UNC119B: variants seen among roughly 807,000 people sequenced by gnomAD.
UNC119B encodes unc-119 lipid binding chaperone B, also known as protein unc-119 homolog B.
UNC119B carries 16 observed loss-of-function variants against 23.4 expected under a neutral mutation model. That is an observed-to-expected ratio of 0.68 (90% CI 0.46 to 1.04). UNC119B has a LOEUF of 1.04. Among genes scored for constraint, UNC119B ranks in the 50% least tolerant of loss-of-function variants. The pLI, the probability that UNC119B is intolerant of heterozygous loss-of-function variation, is 0.00. For synonymous variants in UNC119B, 144 were observed against 145.4 expected, an observed-to-expected ratio of 0.99 and a Z score of 0.07; for missense variants, 350 against 361.3, an observed-to-expected ratio of 0.97 and a Z score of 0.25.
intron 2 of UNC119B, among the ~76,000 whole-genome samples, chr12:120,716,091 C>A (rs1305466976): frequency 6.6e-6 from 1 of 152,184 alleles, no homozygotes; most frequent in Admixed American, 6.5e-5. Flanking sequence ...TTTTTATATT[C>A]ATTGAAATAA....
In UNC119B at chr12:120,713,428, C is replaced by T. The variant is rs115912683; in HGVS notation, c.358+41C>T. On this transcript the variant is annotated intron_variant, in intron 2 of 4. Transcript: ENST00000344651. Reference sequence around the variant, plus strand: ...GTGGTGACCACTAGACAGTTTTGAGCCAAAGGTCTTTGAAACTCAAATCTT... The same window carrying T: ...GTGGTGACCACTAGACAGTTTTGAGTCAAAGGTCTTTGAAACTCAAATCTT... The T allele has an allele frequency of 1.4e-4, 203 of 1,473,064 alleles. No individual in the cohort carries two copies. The African/African-American group carries it at 2.2e-3, about 16-fold the overall frequency. The allele number at this position is 1,473,064 out of a possible 1,614,324, so 91.2% of individuals were successfully genotyped here. A position where few individuals can be genotyped will look rare whatever the true frequency, so the allele number is the denominator to read the frequency against.
At chr12:120,717,214 C>G (rs1882800236) in intron 4 of UNC119B, among the ~76,000 whole-genome samples, 172 bp downstream of exon 4, 1 of 152,146 alleles carries the variant, frequency 6.6e-6, no homozygotes, top group Admixed American at 6.5e-5. Flanking sequence ...GGCTCCTGTT[C>G]TAAACTCTGA....
chr12:120,720,065 C>A lies in UNC119B; in HGVS notation c.*33C>A. ...AAGAGTAGATAGGGGAGGTGCTTTG[C>A]CGCGGCCACAAGATCCTGGCACACG... On this transcript the variant is annotated 3_prime_UTR_variant, in exon 5 of 5. Coordinates refer to ENST00000344651, the MANE Select transcript of UNC119B (RefSeq NM_001080533.3). 1 of 1,497,584 alleles carries A rather than the reference C, an allele frequency of 6.7e-7. No individual in the cohort carries two copies. Among genetic ancestry groups the A allele is most frequent in the Non-Finnish European group, 9.3e-7 (1 of 1,076,578 alleles). The allele number at this position is 1,497,584 out of a possible 1,614,324, so 92.8% of individuals were successfully genotyped here. A position where few individuals can be genotyped will look rare whatever the true frequency, so the allele number is the denominator to read the frequency against.
At position 120,722,186 on chromosome 12, in the gene UNC119B, G is replaced by A. The variant is rs1592930307; in HGVS notation, c.*2154G>A. ...CTAGAAAGAGGATGTGGAGGAAGGAGGAGGTGGGCAATCTGGCTTGAGTTG... is the reference window on the plus strand; with the variant it reads ...CTAGAAAGAGGATGTGGAGGAAGGAAGAGGTGGGCAATCTGGCTTGAGTTG... On this transcript the variant is annotated 3_prime_UTR_variant, in exon 5 of 5. Transcript: ENST00000344651. The A allele has an allele frequency of 6.6e-6, 1 of 152,366 alleles. No homozygotes were observed. Among genetic ancestry groups the A allele is most frequent in the Non-Finnish European group, 1.5e-5 (1 of 68,148 alleles). 9.4% of individuals were successfully genotyped at this position (152,366 alleles called of 1,614,324 possible). A position where few individuals can be genotyped will look rare whatever the true frequency, so the allele number is the denominator to read the frequency against.
intron 2 of UNC119B, among the ~76,000 whole-genome samples, chr12:120,715,052 G>A (rs921456557): frequency 3.4e-4 from 51 of 152,108 alleles, no homozygotes; most frequent in African/African-American, 1.1e-3. Context: ...TTAGCCAGGC[G>A]TGGTGGCACA....
chr12:120,711,331 A>C (rs1882664350), intron 1 of UNC119B: 1 of 152,236 alleles, frequency 6.6e-6, no homozygotes, highest in Non-Finnish European at 1.5e-5. Context: ...TTAAAACAAA[A>C]ATAAAGTTTC....
chr12:120,715,187 T>C (rs1010703238), intron 2 of UNC119B, among the ~76,000 whole-genome samples: 1 of 152,114 alleles, frequency 6.6e-6, no homozygotes, highest in Non-Finnish European at 1.5e-5. Context: ...TGAGACCCTA[T>C]CTCAAAATAA....
rs1214108781 is a variant in UNC119B at position 120,721,517 on chromosome 12, CAG to C, written c.*1486_*1487del. On this transcript the variant is annotated 3_prime_UTR_variant, in exon 5 of 5. Coordinates refer to ENST00000344651, the MANE Select transcript of UNC119B (RefSeq NM_001080533.3). ...GTATGGGGGCCAGGGATGGAAGAGACAGTGTGTGGCCACAGAAATTCCTGTCC... is the reference window on the plus strand; with the variant it reads ...GTATGGGGGCCAGGGATGGAAGAGACTGTGTGGCCACAGAAATTCCTGTCC... The C allele has an allele frequency of 2.6e-5, 4 of 152,396 alleles. No individual in the cohort carries two copies. The highest frequency in any genetic ancestry group is 4.4e-5 in the Non-Finnish European group (3 of 68,158). 9.4% of individuals were successfully genotyped at this position (152,396 alleles called of 1,614,324 possible). A position where few individuals can be genotyped will look rare whatever the true frequency, so the allele number is the denominator to read the frequency against.
At chr12:120,713,789 T>G (rs558889570) in intron 2 of UNC119B, among the ~76,000 whole-genome samples, 2 of 152,200 alleles carry the variant, frequency 1.3e-5, no homozygotes, top group African/African-American at 4.8e-5. Flanking sequence ...TAAACTATAA[T>G]GAGGAAAACT....
At chr12:120,716,554 G>C (rs1377654412) in intron 2 of UNC119B, 74 bp from the exon 3 acceptor site, 1 of 1,513,394 alleles carries the variant, frequency 6.6e-7, no homozygotes, top group South Asian at 1.1e-5. Context: ...CCATTGTGCT[G>C]TTGGGACTGG....
At chr12:120,716,845 G>A (rs368539903) in intron 3 of UNC119B, 25 bp from the exon 4 acceptor site, 16 of 1,603,938 alleles carry the variant, frequency 1.0e-5, no homozygotes, top group African/African-American at 2.7e-5. Flanking sequence ...AGGCAAAGTC[G>A]GGCTTACAGA....
chr12:120,710,742 CT>C (rs1312778265), intron 1 of UNC119B, 24 bp downstream of exon 1: 1 of 1,327,974 alleles, frequency 7.5e-7, no homozygotes, highest in Non-Finnish European at 9.6e-7. Flanking sequence ...GGGCCGCGCC[CT>C]CCCCTCGCGC....
chr12:120,710,871 G>T (rs1294806790), intron 1 of UNC119B, 153 bp downstream of exon 1: 2 of 681,398 alleles, frequency 2.9e-6, no homozygotes, highest in African/African-American at 1.9e-5. Context: ...GCCGGGCTTT[G>T]CTCCCGCCAC....
At chr12:120,713,240 T>A in intron 1 of UNC119B, 34 bp from the exon 2 acceptor site, 1 of 1,487,226 alleles carries the variant, frequency 6.7e-7, no homozygotes, top group Non-Finnish European at 9.2e-7. Context: ...TGGAGGATTA[T>A]TTAACAGTGT....
chr12:120,716,716 C>T lies in UNC119B; in HGVS notation c.447C>T (p.Leu149=). The change falls in exon 3 of 5, where the codon CTC becomes CTT. Residue 149 remains leucine, a synonymous_variant. Coordinates refer to ENST00000344651, the MANE Select transcript of UNC119B (RefSeq NM_001080533.3). ...GCTATCAGTTCACACCGGCATTTCTCCGCCTCCGGACAGTCGGGGCTACGT... is the reference window on the plus strand; with the variant it reads ...GCTATCAGTTCACACCGGCATTTCTTCGCCTCCGGACAGTCGGGGCTACGT... ...FVRYQFTPAF[L]RLRTVGATVE... is the part of the protein sequence containing the mutation. 1 of 1,614,216 alleles carries T rather than the reference C, an allele frequency of 6.2e-7. No homozygotes were observed.
chr12:120,716,477 G>T (rs1882781450), intron 2 of UNC119B, 151 bp from the exon 3 acceptor site: 3 of 804,854 alleles, frequency 3.7e-6, no homozygotes, highest in Non-Finnish European at 4.3e-6. Flanking sequence ...CAAGTGTCCT[G>T]CTATATAGCA....
chr12:120,718,750 G>T (rs1882831743), intron 4 of UNC119B, among the ~76,000 whole-genome samples: 1 of 152,242 alleles, frequency 6.6e-6, no homozygotes, highest in African/African-American at 2.4e-5. Flanking sequence ...AGTGATGCCT[G>T]TAGTTGCCTT....
Position 120,721,577 on chromosome 12 carries a change from T to C in UNC119B, c.*1545T>C, listed in dbSNP as rs696337. 91,045 of 152,522 alleles carry C rather than the reference T, an allele frequency of 0.6. 30,009 individuals are homozygous for C. The highest frequency in any genetic ancestry group is 0.89 in the African/African-American group (37,027 of 41,560). 9.4% of individuals were successfully genotyped at this position (152,522 alleles called of 1,614,324 possible). A position where few individuals can be genotyped will look rare whatever the true frequency, so the allele number is the denominator to read the frequency against. On this transcript the variant is annotated 3_prime_UTR_variant, in exon 5 of 5. Coordinates refer to ENST00000344651, the MANE Select transcript of UNC119B (RefSeq NM_001080533.3). Reference sequence around the variant, plus strand: ...ACCAGTGCTGCTCCCTGTGTGGGCTTTAGGGCGAGTGGCCCCGAACCTTGG... The same window carrying C: ...ACCAGTGCTGCTCCCTGTGTGGGCTCTAGGGCGAGTGGCCCCGAACCTTGG...
chr12:120,716,781 TCA>T, intron 3 of UNC119B, 42 bp downstream of exon 3: 1 of 1,607,588 alleles, frequency 6.2e-7, no homozygotes, highest in Middle Eastern at 1.7e-4. Context: ...TTCTGTTTGT[TCA>T]CAGAGAAGAG....
Sources: allele counts gnomAD v4.1 joint callset (sites outside exome capture counted in the v4.1 genomes callset), GRCh38; gene constraint gnomAD v4.1.1; transcripts MANE v1.5; gene names NCBI Gene and HGNC (gene_info 2026-07-23, HGNC 2026-07-21).